Variants in ZBTB10 observed in about 807,000 individuals in gnomAD.
The protein encoded by ZBTB10 is zinc finger and BTB domain containing 10, also known as zinc finger and BTB domain-containing protein 10.
ZBTB10 carries 32 observed loss-of-function variants against 76.4 expected under a neutral mutation model. That is an observed-to-expected ratio of 0.42 (90% confidence interval 0.32 to 0.56). ZBTB10 has a LOEUF of 0.56. ZBTB10 is among the 20% of genes least tolerant of loss of function. ZBTB10 has a pLI of 0.14. For synonymous variants in ZBTB10, 523 were observed against 432.9 expected (o/e 1.21, Z -2.58); for missense variants, 1,057 against 1,098.5 (o/e 0.96, Z 0.53).
rs571833035 is a variant in ZBTB10, at chr8:80,523,441, C to T, written c.*3913C>T. On this transcript the variant is annotated 3_prime_UTR_variant, in exon 6 of 6. Coordinates refer to ENST00000455036, the MANE Select transcript of ZBTB10 (RefSeq NM_001105539.3). ...AAGACACATCAGTGTAGCACATGCT[C>T]TTAACTGGCTGTGGCATTTTAATTT... 1.5e-4 allele frequency: 23 copies of T among 151,998 alleles called. No homozygotes were observed. The highest frequency in any genetic ancestry group is 1.3e-3 in the Admixed American group (20 of 15,256). The allele number at this position is 151,998 out of a possible 1,614,324, so 9.4% of individuals were successfully genotyped here.
At chr8:80,487,855 C>T in intron 1 of ZBTB10, 73 bp downstream of exon 1, 1 of 1,464,512 alleles carries the variant, frequency 6.8e-7, no homozygotes, top group Non-Finnish European at 9.0e-7. Context: ...TTCACCCCCA[C>T]CCACCCCCGA....
Position 80,487,167 on chromosome 8 carries a change from C to T in ZBTB10, c.357C>T (p.Asn119=), listed in dbSNP as rs1222108631. The change falls in exon 1 of 6, where the codon AAC becomes AAT. Residue 119 remains asparagine, a synonymous_variant. Coordinates refer to ENST00000455036, the MANE Select transcript of ZBTB10 (RefSeq NM_001105539.3). ...GGGGCCCCCTGCTAGCGGAAAGGAACCGTCGGACTCTGGCCTTCCGAGGCG... is the reference window on the plus strand; with the variant it reads ...GGGGCCCCCTGCTAGCGGAAAGGAATCGTCGGACTCTGGCCTTCCGAGGCG... ...GAGGPLLAER[N]RRTLAFRGGG... is the part of the protein sequence containing the mutation. 9.8e-6 allele frequency: 15 copies of T among 1,528,428 alleles called. No individual in the cohort carries two copies. The highest frequency in any genetic ancestry group is 1.7e-4 in the Middle Eastern group (1 of 5,942). 94.7% of individuals were successfully genotyped at this position (1,528,428 alleles called of 1,614,324 possible). A position where few individuals can be genotyped will look rare whatever the true frequency, so the allele number is the denominator to read the frequency against.
Position 80,498,625 on chromosome 8 carries a change from C to T in ZBTB10, c.973-869C>T, listed in dbSNP as rs527244993. 1.2e-4 allele frequency among the ~76,000 whole-genome samples: 19 copies of T among 152,304 alleles called. No individual in the cohort carries two copies. The South Asian group carries it at 2.9e-3, about 23-fold the overall frequency. Reference sequence around the variant, plus strand: ...ACTAACATTTGTAATACTGACTTATCGTTTAAGGAAAAGGCTCAGGGATAG... The same window carrying T: ...ACTAACATTTGTAATACTGACTTATTGTTTAAGGAAAAGGCTCAGGGATAG... On this transcript the variant is annotated intron_variant, in intron 1 of 5. Coordinates refer to ENST00000455036, the MANE Select transcript of ZBTB10 (RefSeq NM_001105539.3).
intron 1 of ZBTB10, among the ~76,000 whole-genome samples, chr8:80,498,784 G>A (rs17555680): frequency 0.025 from 3,876 of 152,296 alleles, 73 homozygotes; most frequent in South Asian, 0.051. Flanking sequence ...ATACCTGTAT[G>A]ATAAGAAGCA....
chr8:80,511,050 A>G (rs920338541), intron 2 of ZBTB10, among the ~76,000 whole-genome samples: 4 of 152,204 alleles, frequency 2.6e-5, no homozygotes, highest in Non-Finnish European at 5.9e-5. Context: ...GTGACGTAAT[A>G]TATTGGTTCC....
At chr8:80,489,862 G>A (rs1445784745) in intron 1 of ZBTB10, among the ~76,000 whole-genome samples, 1 of 152,100 alleles carries the variant, frequency 6.6e-6, no homozygotes, top group Admixed American at 6.5e-5. Context: ...TCCTTGATTG[G>A]ATTTTGGGTG....
At chr8:80,503,548 C>T (rs1365176203) in intron 2 of ZBTB10, among the ~76,000 whole-genome samples, 2 of 151,950 alleles carry the variant, frequency 1.3e-5, no homozygotes, top group African/African-American at 2.4e-5. Context: ...GACAGAGTCT[C>T]CCTGTGTCAC....
At chr8:80,488,121 A>G (rs1376906704) in intron 1 of ZBTB10, among the ~76,000 whole-genome samples, 3 of 152,188 alleles carry the variant, frequency 2.0e-5, no homozygotes, top group African/African-American at 4.8e-5. Context: ...TGCGGTAAAA[A>G]AATTTTATTA....
rs908382657 is a variant in ZBTB10, at chr8:80,521,321, ACTT to A, written c.*1797_*1799del. On this transcript the variant is annotated 3_prime_UTR_variant, in exon 6 of 6. Coordinates refer to ENST00000455036, the MANE Select transcript of ZBTB10 (RefSeq NM_001105539.3). ...TGATTTTTGTTTAAAACAGATGAGT[ACTT>A]CTTAATGTTCTAGACAAATGAGTAA... 95 of 151,992 alleles carry A rather than the reference ACTT, an allele frequency of 6.3e-4. No homozygotes were observed. The highest frequency in any genetic ancestry group is 2.1e-3 in the African/African-American group (86 of 41,564). The allele number at this position is 151,992 out of a possible 1,614,324, so 9.4% of individuals were successfully genotyped here. A position where few individuals can be genotyped will look rare whatever the true frequency, so the allele number is the denominator to read the frequency against.
intron 2 of ZBTB10, among the ~76,000 whole-genome samples, chr8:80,510,590 C>T (rs2131507485): frequency 6.6e-6 from 1 of 151,992 alleles, no homozygotes; most frequent in Non-Finnish European, 1.5e-5. Flanking sequence ...TTACATACCA[C>T]TCATGTACCT....
chr8:80,518,510 G>A lies in ZBTB10; in HGVS notation c.2068G>A (p.Gly690Ser). ...SNDFKYGLIP[G>S]ASNDFKYGLL... The stretch of plus-strand genomic sequence containing the variant: ...TGATTTCAAGTATGGATTGATACCA[G>A]GTGCTTCAAATGATTTCAAGTATGG... The change falls in exon 4 of 6, where the codon GGT becomes AGT. Residue 690 changes from glycine to serine, a missense_variant. Gly to Ser is a moderately conservative substitution (Grantham distance 56). Transcript: ENST00000455036. 1.9e-6 allele frequency: 3 copies of A among 1,553,328 alleles called. No individual in the cohort carries two copies. The highest frequency in any genetic ancestry group is 2.6e-6 in the Non-Finnish European group (3 of 1,147,940).
intron 2 of ZBTB10, among the ~76,000 whole-genome samples, chr8:80,505,422 G>A (rs1259137826): frequency 6.6e-6 from 1 of 152,146 alleles, no homozygotes; most frequent in Non-Finnish European, 1.5e-5. Context: ...AGCTGATGTA[G>A]TTCTATGTAA....
chr8:80,508,017 A>G (rs186015509), intron 2 of ZBTB10, among the ~76,000 whole-genome samples: 1 of 152,362 alleles, frequency 6.6e-6, no homozygotes. Context: ...GGTAGGTGAA[A>G]TAGTAGTCTG....
chr8:80,504,699 A>G (rs938260817), intron 2 of ZBTB10, among the ~76,000 whole-genome samples: 3 of 152,206 alleles, frequency 2.0e-5, no homozygotes, highest in Non-Finnish European at 4.4e-5. Context: ...AGCAAAAACT[A>G]AAATCTGGGT....
intron 1 of ZBTB10, among the ~76,000 whole-genome samples, chr8:80,490,600 A>G (rs945490338): frequency 6.6e-6 from 1 of 152,178 alleles, no homozygotes; most frequent in African/African-American, 2.4e-5. Flanking sequence ...CTTTGTGGCC[A>G]TCAGGTTCTT....
chr8:80,514,102 G>T (rs1816267919), intron 3 of ZBTB10, 94 bp downstream of exon 3: 1 of 1,127,298 alleles, frequency 8.9e-7, no homozygotes, highest in South Asian at 1.4e-5. Flanking sequence ...CCATAAGGGG[G>T]TTCTATTGTA....
At chr8:80,513,818 T>C in intron 2 of ZBTB10, 92 bp from the exon 3 acceptor site, 1 of 1,015,558 alleles carries the variant, frequency 9.8e-7, no homozygotes, top group Middle Eastern at 2.0e-4. Context: ...GATGGTACTT[T>C]TTATTTAAGA....
chr8:80,514,685 C>G (rs1405049764), intron 3 of ZBTB10, among the ~76,000 whole-genome samples: 1 of 152,072 alleles, frequency 6.6e-6, no homozygotes, highest in East Asian at 1.9e-4. Context: ...CCATGGATTC[C>G]CATAGATGAT....
intron 2 of ZBTB10, among the ~76,000 whole-genome samples, chr8:80,504,195 T>C (rs1017449979): frequency 7.2e-5 from 11 of 152,254 alleles, no homozygotes; most frequent in Non-Finnish European, 1.5e-4. Context: ...TTAGTTATGC[T>C]TTAATTTCCA....
Sources: gnomAD v4.1 joint callset for allele counts (sites outside exome capture counted in the v4.1 genomes callset) on GRCh38, gnomAD v4.1.1 for gene constraint, MANE v1.5 for transcripts, NCBI Gene and HGNC (gene_info 2026-07-23, HGNC 2026-07-21) for gene names.